Variants in SLC26A8 observed in about 807,000 individuals in gnomAD.
SLC26A8 encodes solute carrier family 26 member 8.
SLC26A8 carries 70 observed loss-of-function variants against 105.0 expected under a neutral mutation model. The observed-to-expected ratio is 0.67, with a 90% CI of 0.55 to 0.81. The LOEUF is 0.81. Ranked by LOEUF, SLC26A8 falls within the 40% of genes least tolerant of loss-of-function variation. SLC26A8 has a pLI of 0.00. For synonymous variants in SLC26A8, 415 were observed against 438.3 expected (o/e 0.95, Z 0.66); for missense variants, 998 against 1,181.8 (o/e 0.84, Z 2.28).
At chr6:36,018,221 C>A (rs1321341801) in intron 2 of SLC26A8, among the ~76,000 whole-genome samples, 1 of 152,156 alleles carries the variant, frequency 6.6e-6, no homozygotes, top group Non-Finnish European at 1.5e-5. Flanking sequence ...ATGTTCATGG[C>A]AGCATTATTT....
intron 10 of SLC26A8, among the ~76,000 whole-genome samples, chr6:35,970,410 A>AGCC (rs1772745141): frequency 6.6e-6 from 1 of 152,186 alleles, no homozygotes; most frequent in African/African-American, 2.4e-5. Context: ...GCTGAATCAC[A>AGCC]TGAGAGTAGT....
At chr6:36,007,893 G>C (rs1026772318) in intron 3 of SLC26A8, among the ~76,000 whole-genome samples, 13 of 148,940 alleles carry the variant, frequency 8.7e-5, no homozygotes, top group African/African-American at 3.2e-4. Context: ...GGCCAAGGCG[G>C]GCAGATCACG....
At chr6:36,022,259 G>A (rs1562080641) in intron 1 of SLC26A8, among the ~76,000 whole-genome samples, 2 of 152,202 alleles carry the variant, frequency 1.3e-5, no homozygotes, top group Non-Finnish European at 2.9e-5. Flanking sequence ...GAGCCACTGC[G>A]CCTGGCCTAT....
intron 3 of SLC26A8, 149 bp from the exon 4 acceptor site, chr6:36,000,257 A>G: frequency 1.7e-6 from 1 of 604,468 alleles, no homozygotes; most frequent in South Asian, 2.1e-5. Flanking sequence ...ATCCTTCATT[A>G]GCACTTTTTA....
At position 35,977,278 on chromosome 6, in the gene SLC26A8, C is replaced by T. The variant is rs1581654233; in HGVS notation, c.1099G>A (p.Val367Met). Reference sequence around the variant, plus strand: ...AGAAATATGAGCAGAAAGGAGCTCACCAAAGATAAGGAGAAGGCTTGTAAA... The same window carrying T: ...AGAAATATGAGCAGAAAGGAGCTCATCAAAGATAAGGAGAAGGCTTGTAAA... Reference protein sequence around the residue: ...IILQAFSLSLVSSFLLIFLGK... With the variant: ...IILQAFSLSLMSSFLLIFLGK... The change falls in exon 9 of 20, where the codon GTG becomes ATG. Residue 367 changes from valine to methionine, a missense_variant. Physicochemically the swap from Val to Met is conservative, Grantham distance 21 (BLOSUM62 1). Transcript: ENST00000490799. The T allele has an allele frequency of 6.2e-7, 1 of 1,613,842 alleles. No homozygotes were observed. The highest frequency in any genetic ancestry group is 8.5e-7 in the Non-Finnish European group (1 of 1,179,930).
intron 17 of SLC26A8, chr6:35,954,819 C>A (rs1771994746): frequency 3.6e-6 from 1 of 278,292 alleles, no homozygotes; most frequent in Non-Finnish European, 7.0e-6. Context: ...GTGACACATG[C>A]CTGTAGTTCC....
chr6:36,012,451 A>G, intron 2 of SLC26A8, 79 bp from the exon 3 acceptor site: 3 of 1,475,994 alleles, frequency 2.0e-6, no homozygotes, highest in Non-Finnish European at 2.7e-6. Context: ...CATTTGGCCC[A>G]CATAGCCAAG....
intron 12 of SLC26A8, 52 bp from the exon 13 acceptor site, chr6:35,961,151 A>ATCATTTTCTCAGTT: frequency 1.4e-6 from 2 of 1,439,462 alleles, no homozygotes; most frequent in Non-Finnish European, 1.9e-6. Context: ...AGTTCAACTG[A>ATCATTTTCTCAGTT]GAAAATGATC....
chr6:36,022,786 T>C (rs2127379157), intron 1 of SLC26A8, among the ~76,000 whole-genome samples: 1 of 152,004 alleles, frequency 6.6e-6, no homozygotes, highest in South Asian at 2.1e-4. Context: ...TATGTCTTTC[T>C]TGATTTCATA....
chr6:36,008,295 AAAAACAAAAC>A (rs147488560), intron 3 of SLC26A8, among the ~76,000 whole-genome samples: 13 of 152,036 alleles, frequency 8.6e-5, no homozygotes, highest in East Asian at 3.9e-4. Flanking sequence ...TCCTGTCTCT[AAAAACAAAAC>A]AAAACAAAAC....
intron 3 of SLC26A8, among the ~76,000 whole-genome samples, chr6:36,008,406 T>C (rs377708995): frequency 9.1e-4 from 139 of 152,326 alleles, no homozygotes; most frequent in African/African-American, 3.2e-3. Context: ...TCAAAGAAGA[T>C]ATGAGGATAG....
chr6:35,971,181 T>C (rs775432971), intron 10 of SLC26A8, among the ~76,000 whole-genome samples: 2 of 152,214 alleles, frequency 1.3e-5, no homozygotes, highest in African/African-American at 4.8e-5. Context: ...GAATGGGTTT[T>C]GGGATCAGAG....
In SLC26A8 at chr6:35,943,791, G is replaced by T; in HGVS notation, c.*109C>A. The T allele has an allele frequency of 6.8e-7, 1 of 1,473,428 alleles. No individual in the cohort carries two copies. Among genetic ancestry groups the T allele is most frequent in the Non-Finnish European group, 9.1e-7 (1 of 1,100,700 alleles). The allele number at this position is 1,473,428 out of a possible 1,614,324, so 91.3% of individuals were successfully genotyped here. On this transcript the variant is annotated 3_prime_UTR_variant, in exon 20 of 20. Coordinates refer to ENST00000490799, the MANE Select transcript of SLC26A8 (RefSeq NM_052961.4). ...GGCAGGTAGTAGGAGTCACAGTCAGGAAGGAAGTACTGCTAGTTCGTATCC... is the reference window on the plus strand; with the variant it reads ...GGCAGGTAGTAGGAGTCACAGTCAGTAAGGAAGTACTGCTAGTTCGTATCC...
At chr6:35,987,805 A>T (rs143414322) in intron 7 of SLC26A8, among the ~76,000 whole-genome samples, 3 of 152,306 alleles carry the variant, frequency 2.0e-5, no homozygotes, top group Non-Finnish European at 4.4e-5. Flanking sequence ...TGGGAGGTGC[A>T]GGGGACACAT....
In SLC26A8 at chr6:36,012,294, C is replaced by T; in HGVS notation, c.267G>A (p.Lys89=). ...CAAGTAAGTCTCCCAGAAGCCAATC[C>T]TTTAATCGATACATACACATCCATT... is the stretch of plus-strand genomic sequence containing the variant. ...FLEWMCMYRL[K]DWLLGDLLAG... The change falls in exon 3 of 20, where the codon AAG becomes AAA. Residue 89 remains lysine, a synonymous_variant. Transcript: ENST00000490799. 6.2e-7 allele frequency: 1 copy of T among 1,612,226 alleles called. No individual in the cohort carries two copies. The highest frequency in any genetic ancestry group is 1.1e-5 in the South Asian group (1 of 90,778).
At chr6:35,994,289 T>C (rs948508699) in intron 5 of SLC26A8, among the ~76,000 whole-genome samples, 1 of 151,618 alleles carries the variant, frequency 6.6e-6, no homozygotes, top group African/African-American at 2.4e-5. Context: ...TAATTTTTTG[T>C]ATTTTTAGTA....
intron 19 of SLC26A8, among the ~76,000 whole-genome samples, chr6:35,949,962 C>T (rs548904756): frequency 3.5e-4 from 53 of 151,998 alleles, no homozygotes; most frequent in Admixed American, 1.6e-3. Context: ...CGTGCCACCA[C>T]GCCCGGCTAA....
intron 8 of SLC26A8, among the ~76,000 whole-genome samples, chr6:35,979,007 ATTTTTTTTTTTTTTTT>A (rs34335766): frequency 1.0e-5 from 1 of 98,304 alleles, no homozygotes. Flanking sequence ...CACCTGGCTA[ATTTTTTTTTTTTTTTT>A]TTTTTTTTTT....
In SLC26A8 at chr6:35,957,881, C is replaced by T. The variant is rs183096195; in HGVS notation, c.1863+1579G>A. Among the ~76,000 whole-genome samples the T allele has an allele frequency of 7.5e-4, 114 of 152,238 alleles. 2 individuals are homozygous for T. Among genetic ancestry groups the T allele is most frequent in the African/African-American group, 2.5e-3 (104 of 41,546 alleles). Reference sequence around the variant, plus strand: ...TCGGCCTCCCAAAGTTTTGGGATTACGGGCGTAAGCCACTGCGCCTGGCCA... The same window carrying T: ...TCGGCCTCCCAAAGTTTTGGGATTATGGGCGTAAGCCACTGCGCCTGGCCA... On this transcript the variant is annotated intron_variant, in intron 16 of 19. Transcript: ENST00000490799.
Sources: gnomAD v4.1 joint callset for allele counts (sites outside exome capture counted in the v4.1 genomes callset) on GRCh38, gnomAD v4.1.1 for gene constraint, MANE v1.5 for transcripts, NCBI Gene and HGNC (gene_info 2026-07-23, HGNC 2026-07-21) for gene names.